The following WNT7B variants were observed in gnomAD, a reference collection of about 807,000 sequenced individuals.
WNT7B encodes the protein Wnt family member 7B, also known as protein Wnt-7b.
WNT7B carries 19 observed loss-of-function variants against 38.2 expected under a neutral mutation model. The observed-to-expected ratio is 0.50, with a 90% CI of 0.35 to 0.73. WNT7B has a LOEUF of 0.73. Ranked by LOEUF, WNT7B falls within the 30% of genes least tolerant of loss-of-function variation. The pLI is 0.01. For synonymous variants in WNT7B, 243 were observed against 209.3 expected (o/e 1.16, Z -1.39); for missense variants, 423 against 507.9 (o/e 0.83, Z 1.61).
chr22:45,926,897 C>T (rs556253985), intron 3 of WNT7B: 13 of 985,320 alleles, frequency 1.3e-5, no homozygotes, highest in African/African-American at 7.0e-5. Context: ...GTGAACAATG[C>T]GCCCACCCAG....
intron 3 of WNT7B, among the ~76,000 whole-genome samples, chr22:45,929,878 A>G (rs1292440082): frequency 7.0e-6 from 1 of 143,748 alleles, no homozygotes; most frequent in Non-Finnish European, 1.5e-5. Context: ...CCATCCAACC[A>G]TCTACCCACT....
rs1466594601 is a variant in WNT7B, at chr22:45,966,551, GT to G, written c.71+10132del. On this transcript the variant is annotated intron_variant, in intron 1 of 3. Transcript: ENST00000339464. The surrounding 1 kb of genome is among the most constrained non-coding windows in gnomAD (Gnocchi z 4.2). ...GGGATGCTCACTCGGGCTCTTCTCC[GT>G]TGCTGCTGACACCCGGCAAGCTGCT... 6.6e-6 allele frequency among the ~76,000 whole-genome samples: 1 copy of G among 152,318 alleles called. No homozygotes were observed. The highest frequency in any genetic ancestry group is 1.9e-4 in the East Asian group (1 of 5,176).
At chr22:45,931,557 G>T (rs1483102971) in intron 2 of WNT7B, among the ~76,000 whole-genome samples, 188 bp from the exon 3 acceptor site, 3 of 152,146 alleles carry the variant, frequency 2.0e-5, no homozygotes, top group Non-Finnish European at 2.9e-5. Context: ...CAGGGCTATG[G>T]TAGGGGCAGC....
chr22:45,929,709 CACCCG>C (rs1931250889), intron 3 of WNT7B, among the ~76,000 whole-genome samples: 2 of 147,266 alleles, frequency 1.4e-5, no homozygotes, highest in African/African-American at 5.2e-5. Context: ...TCTTTCCATC[CACCCG>C]TGAATCCACT....
chr22:45,927,726 T>C (rs1039782085), intron 3 of WNT7B, among the ~76,000 whole-genome samples: 1 of 149,326 alleles, frequency 6.7e-6, no homozygotes, highest in Non-Finnish European at 1.5e-5. Flanking sequence ...TGAAGCCCCA[T>C]CTCTACTAAC....
intron 3 of WNT7B, 123 bp downstream of exon 3, chr22:45,930,975 A>AC (rs1204420076): frequency 1.9e-5 from 26 of 1,351,858 alleles, no homozygotes; most frequent in Non-Finnish European, 2.1e-5. Context: ...AGACGGCCCC[A>AC]CCCCCTGCAC....
chr22:45,934,390 T>G (rs1387021715), intron 2 of WNT7B, among the ~76,000 whole-genome samples: 2 of 152,084 alleles, frequency 1.3e-5, no homozygotes, highest in Non-Finnish European at 2.9e-5. Flanking sequence ...GTAGGCAGGC[T>G]CTGGGTAGGA....
chr22:45,926,971 G>T (rs1931104280), intron 3 of WNT7B: 1 of 985,336 alleles, frequency 1.0e-6, no homozygotes, highest in African/African-American at 1.7e-5. Flanking sequence ...GGCCAGCTAA[G>T]GGGGTTCCCA....
intron 1 of WNT7B, among the ~76,000 whole-genome samples, chr22:45,955,225 C>A (rs550831448): frequency 1.3e-5 from 2 of 152,340 alleles, no homozygotes; most frequent in African/African-American, 4.8e-5. Context: ...GCCGGCCTGG[C>A]CCTGCCACAC....
chr22:45,967,087 A>AG (rs1189743916), intron 1 of WNT7B, among the ~76,000 whole-genome samples: 1 of 152,172 alleles, frequency 6.6e-6, no homozygotes, highest in Non-Finnish European at 1.5e-5. Flanking sequence ...AAGACAAGGA[A>AG]GGGGGGAGGG....
intron 2 of WNT7B, among the ~76,000 whole-genome samples, chr22:45,949,101 G>T (rs1438053578): frequency 6.6e-6 from 1 of 152,084 alleles, no homozygotes; most frequent in East Asian, 1.9e-4. Flanking sequence ...AAAGTGCTGG[G>T]ATTACAGGCA....
chr22:45,963,515 A>T (rs1447571347), intron 1 of WNT7B, among the ~76,000 whole-genome samples: 1 of 152,002 alleles, frequency 6.6e-6, no homozygotes. Context: ...GCGAGCCCCC[A>T]GTTGGAGTTC....
chr22:45,955,402 G>A (rs892239206), intron 1 of WNT7B, among the ~76,000 whole-genome samples: 2 of 152,212 alleles, frequency 1.3e-5, no homozygotes, highest in Non-Finnish European at 2.9e-5. Context: ...AGAGCCGTGC[G>A]GGTAGTGTGC....
At chr22:45,970,863 G>A (rs541141676) in intron 1 of WNT7B, among the ~76,000 whole-genome samples, 134 of 152,330 alleles carry the variant, frequency 8.8e-4, no homozygotes, top group African/African-American at 3.1e-3. Flanking sequence ...CCACCCGCAT[G>A]CGCCCTGCTG....
At chr22:45,933,434 T>C (rs187220632) in intron 2 of WNT7B, among the ~76,000 whole-genome samples, 11 of 152,102 alleles carry the variant, frequency 7.2e-5, no homozygotes, top group Admixed American at 7.2e-4. Context: ...GAGTCTAAAT[T>C]AGGTCAAGAT....
intron 2 of WNT7B, among the ~76,000 whole-genome samples, chr22:45,943,514 C>A (rs1569117255): frequency 6.6e-6 from 1 of 152,214 alleles, no homozygotes; most frequent in Non-Finnish European, 1.5e-5. Context: ...TGTGTCCAGC[C>A]CAGGGTGGCC....
intron 3 of WNT7B, among the ~76,000 whole-genome samples, chr22:45,928,692 A>C (rs1273261619): frequency 6.6e-6 from 1 of 151,862 alleles, no homozygotes; most frequent in Non-Finnish European, 1.5e-5. Flanking sequence ...TCCAAGTCCC[A>C]CACCAAGTCA....
intron 1 of WNT7B, among the ~76,000 whole-genome samples, chr22:45,968,751 G>A (rs1932366301): frequency 6.6e-6 from 1 of 152,154 alleles, no homozygotes; most frequent in Non-Finnish European, 1.5e-5. Flanking sequence ...CCAGTGGGGG[G>A]TCCCCAGTTG....
intron 2 of WNT7B, 25 bp from the exon 3 acceptor site, chr22:45,931,394 G>A (rs1285951967): frequency 3.2e-6 from 5 of 1,562,560 alleles, no homozygotes; most frequent in East Asian, 2.3e-5. Context: ...AGGTGCAGAA[G>A]GTGAGACCCC....
Sources: gnomAD v4.1 joint callset for allele counts (sites outside exome capture counted in the v4.1 genomes callset) on GRCh38, gnomAD v4.1.1 for gene constraint, Gnocchi (gnomAD v3.1) non-coding constraint, MANE v1.5 for transcripts, NCBI Gene and HGNC (gene_info 2026-07-23, HGNC 2026-07-21) for gene names.